Variants in PIP4P1 observed in about 807,000 individuals in gnomAD.
PIP4P1 encodes the protein phosphatidylinositol-4,5-bisphosphate 4-phosphatase 1.
In PIP4P1, 14 loss-of-function variants were observed where a neutral mutation model predicts 32.3. That is an observed-to-expected ratio of 0.43 (90% CI 0.29 to 0.68). PIP4P1 has a LOEUF of 0.68. Ranked by LOEUF, PIP4P1 falls within the 30% of genes least tolerant of loss-of-function variation. The pLI is 0.15. For missense variants in PIP4P1, 289 were observed against 364.5 expected (o/e 0.79, Z 1.69); for synonymous variants, 132 against 137.9 (o/e 0.96, Z 0.30).
At chr14:20,459,920 T>C (rs756335749) in intron 3 of PIP4P1, 187 bp from the exon 4 acceptor site, 56 of 623,196 alleles carry the variant, frequency 9.0e-5, no homozygotes, top group Non-Finnish European at 1.3e-4. Context: ...GAAAGAGCAC[T>C]GTTTAAACTT....
chr14:20,459,508 G>C (rs878929053), intron 4 of PIP4P1, 68 bp from the exon 5 acceptor site: 16 of 1,598,264 alleles, frequency 1.0e-5, no homozygotes, highest in Non-Finnish European at 1.4e-5. Flanking sequence ...TTGGGGTGGG[G>C]ATGCAGAACA....
Position 20,458,096 on chromosome 14 carries a change from T to C in PIP4P1, c.*463A>G, listed in dbSNP as rs1440193404. The C allele has an allele frequency of 8.4e-6, 3 of 359,252 alleles. No homozygotes were observed. Among genetic ancestry groups the C allele is most frequent in the Admixed American group, 3.8e-5 (1 of 26,434 alleles). 22.3% of individuals were successfully genotyped at this position (359,252 alleles called of 1,614,324 possible). ...CTGACCCCACCCCCACAGGACACAA[T>C]GTGGGGAGAGGAGACTGAGGGTACT... On this transcript the variant is annotated 3_prime_UTR_variant, in exon 7 of 7. Coordinates refer to ENST00000250489, the MANE Select transcript of PIP4P1 (RefSeq NM_144568.4).
intron 2 of PIP4P1, 69 bp downstream of exon 2, chr14:20,460,586 G>A: frequency 6.5e-7 from 1 of 1,548,274 alleles, no homozygotes; most frequent in Non-Finnish European, 8.8e-7. Context: ...GAAGGTCAGG[G>A]TCTAGAACCA....
At position 20,460,696 on chromosome 14, in the gene PIP4P1, G is replaced by C; in HGVS notation, c.292C>G (p.His98Asp). The C allele has an allele frequency of 6.2e-7, 1 of 1,614,060 alleles. No homozygotes were observed. ...QSLINVEGKMHQHVVKCGVCN... is the reference protein window; with the variant it reads ...QSLINVEGKMDQHVVKCGVCN... ...ACACCACATTTGACTACATGCTGAT[G>C]CATCTTGCCTTCCACGTTGATGAGA... The change falls in exon 2 of 7, where the codon CAT becomes GAT. Residue 98 changes from histidine (H) to aspartate (D), a missense_variant. By Grantham distance (81) the His-to-Asp change is moderately conservative. This residue lies in a region of PIP4P1 where 181 missense variants were observed against 263.3 expected (regional missense o/e 0.69). Coordinates refer to ENST00000250489, the MANE Select transcript of PIP4P1 (RefSeq NM_144568.4).
chr14:20,459,163 G>C (rs1199299027), intron 6 of PIP4P1, 43 bp downstream of exon 6: 2 of 1,585,416 alleles, frequency 1.3e-6, no homozygotes, highest in African/African-American at 2.7e-5. Flanking sequence ...AGCCTATGGA[G>C]ATGAGGCTGC....
rs1423193635 is a variant in PIP4P1 at position 20,460,822 on chromosome 14, G to A, written c.166C>T (p.His56Tyr). 6.4e-7 allele frequency: 1 copy of A among 1,563,360 alleles called. No individual in the cohort carries two copies. Among genetic ancestry groups the A allele is most frequent in the Admixed American group, 1.9e-5 (1 of 51,312 alleles). The change falls in exon 2 of 7, where the codon CAT becomes TAT. Residue 56 changes from histidine to tyrosine, a missense_variant. Transcript: ENST00000250489. ...TCCTCCCCAGGCAACACGGCTGGAT[G>A]CCCCTCGGGAAACGGGGGAAATGCT... ...GAAFPPFPEG[H>Y]PAVLPGEDPP...
rs745528617 is a variant in PIP4P1 at position 20,460,854 on chromosome 14, G to A, written c.143-9C>T. On this transcript the variant is annotated splice_polypyrimidine_tract_variant and intron_variant, in intron 1 of 6. Transcript: ENST00000250489. Reference sequence around the variant, plus strand: ...GGGAAACGGGGGAAATGCTGGAGAGGAAGCAAATAGAAGGGCTGGGATCAC... The same window carrying A: ...GGGAAACGGGGGAAATGCTGGAGAGAAAGCAAATAGAAGGGCTGGGATCAC... 8 of 1,538,470 alleles carry A rather than the reference G, an allele frequency of 5.2e-6. No individual in the cohort carries two copies. Among genetic ancestry groups the A allele is most frequent in the Admixed American group, 2.1e-5 (1 of 48,026 alleles).
chr14:20,460,689 T>G lies in PIP4P1; in HGVS notation c.299A>C (p.His100Pro). The G allele has an allele frequency of 6.2e-7, 1 of 1,614,050 alleles. No homozygotes were observed. Among genetic ancestry groups the G allele is most frequent in the Non-Finnish European group, 8.5e-7 (1 of 1,180,010 alleles). Residue 100 changes from histidine (H) to proline (P), a missense_variant, in exon 2 of 7, where the codon CAT (histidine) becomes CCT (proline). His to Pro is a moderately conservative substitution (Grantham distance 77). This residue lies in a region of PIP4P1 where 181 missense variants were observed against 263.3 expected (regional missense o/e 0.69). Transcript: ENST00000250489. ...ATTGCAGACACCACATTTGACTACA[T>G]GCTGATGCATCTTGCCTTCCACGTT... is the stretch of plus-strand genomic sequence containing the variant. ...LINVEGKMHQ[H>P]VVKCGVCNEA...
intron 2 of PIP4P1, 138 bp downstream of exon 2, chr14:20,460,517 T>C (rs1387489041): frequency 1.1e-5 from 10 of 909,324 alleles, no homozygotes; most frequent in Admixed American, 1.1e-4. Flanking sequence ...GGGAAATGGC[T>C]GTGTGAGACA....
At chr14:20,459,951 G>C (rs554578642) in intron 3 of PIP4P1, 1 of 612,256 alleles carries the variant, frequency 1.6e-6, no homozygotes. Flanking sequence ...ATTCCCCTCC[G>C]ACCTCAGGAT....
chr14:20,458,572 T>C lies in PIP4P1; in HGVS notation c.821A>G (p.Gln274Arg). ...GGGTCATCAGGCTCAGGAGAAGTTC[T>C]GGACAGGGTGGCTGACCTTCATACA... ...WACMKVSHPV[Q>R]NFS The change falls in exon 7 of 7, where the codon CAG (glutamine) becomes CGG (arginine). Residue 274 changes from glutamine to arginine, a missense_variant. Physicochemically the swap from Gln to Arg is conservative, Grantham distance 43 (BLOSUM62 1). This residue lies in a region of PIP4P1 where 181 missense variants were observed against 263.3 expected (regional missense o/e 0.69). Coordinates refer to ENST00000250489, the MANE Select transcript of PIP4P1 (RefSeq NM_144568.4). 6.2e-7 allele frequency: 1 copy of C among 1,613,914 alleles called. No individual in the cohort carries two copies.
In PIP4P1 at chr14:20,458,642, T is replaced by A; in HGVS notation, c.751A>T (p.Ile251Phe). 1.9e-6 allele frequency: 3 copies of A among 1,614,178 alleles called. No homozygotes were observed. Among genetic ancestry groups the A allele is most frequent in the Non-Finnish European group, 2.5e-6 (3 of 1,180,032 alleles). Residue 251 changes from isoleucine to phenylalanine, a missense_variant, in exon 7 of 7, where the codon ATC becomes TTC. Transcript: ENST00000250489. ...CCCAAACACAGCACAGCCAACAGGA[T>A]GACAAATGCCCAGGCTGCATAGATG... ...GGIYAAWAFV[I>F]LLAVLCLGRA...
At position 20,458,046 on chromosome 14, in the gene PIP4P1, CCTGTGGTT is replaced by C. The variant is rs2139311877; in HGVS notation, c.*505_*512del. 1 of 334,650 alleles carries C rather than the reference CCTGTGGTT, an allele frequency of 3.0e-6. No individual in the cohort carries two copies. The highest frequency in any genetic ancestry group is 5.9e-6 in the Non-Finnish European group (1 of 170,490). 20.7% of individuals were successfully genotyped at this position (334,650 alleles called of 1,614,324 possible). ...TTAAATAGTTATATACACATCAGTT[CCTGTGGTT>C]CTGTACAGAGCAGCGGCTGACCCCA... On this transcript the variant is annotated 3_prime_UTR_variant, in exon 7 of 7. Transcript: ENST00000250489.
chr14:20,459,557 T>C (rs566063271), intron 4 of PIP4P1, 71 bp downstream of exon 4: 136 of 1,571,878 alleles, frequency 8.7e-5, no homozygotes, highest in Non-Finnish European at 1.1e-4. Context: ...TCATTACCAT[T>C]ACTCTAAGAA....
At position 20,459,985 on chromosome 14, in the gene PIP4P1, T is replaced by G. The variant is rs1053763449; in HGVS notation, c.440+207A>C. 5 of 623,342 alleles carry G rather than the reference T, an allele frequency of 8.0e-6. No individual in the cohort carries two copies. The African/African-American group carries it at 9.2e-5, about 11-fold the overall frequency. 38.6% of individuals were successfully genotyped at this position (623,342 alleles called of 1,614,324 possible). On this transcript the variant is annotated intron_variant, in intron 3 of 6. Transcript: ENST00000250489. ...ATAACACACCCAGTCCCCAAGGCTC[T>G]CTATTCTCCGAAACGACATCATTTC...
intron 1 of PIP4P1, 45 bp downstream of exon 1, chr14:20,461,137 AGC>A: frequency 9.5e-6 from 12 of 1,264,312 alleles, no homozygotes; most frequent in Non-Finnish European, 1.2e-5. Context: ...TACCCCGGGG[AGC>A]ACCTCGGACC....
intron 5 of PIP4P1, 37 bp from the exon 6 acceptor site, chr14:20,459,333 G>A: frequency 6.2e-7 from 1 of 1,613,524 alleles, no homozygotes. Flanking sequence ...GCTTTCTATG[G>A]CCTTGTAGTT....
At position 20,461,243 on chromosome 14, in the gene PIP4P1, C is replaced by A; in HGVS notation, c.83G>T (p.Gly28Val). 7.9e-7 allele frequency: 1 copy of A among 1,267,448 alleles called. No individual in the cohort carries two copies. The allele number at this position is 1,267,448 out of a possible 1,614,324, so 78.5% of individuals were successfully genotyped here. ...TCCCCCGGGCCCAGCCCCACTCCCG[C>A]CGGGCCCCACTAAACCGTTGCCGCC... ...GAGGNGLVGP[G>V]GSGAGPGGGL... The change falls in exon 1 of 7, where the codon GGC becomes GTC. Residue 28 changes from glycine (G) to valine (V), a missense_variant. By Grantham distance (109) the Gly-to-Val change is moderately radical. Coordinates refer to ENST00000250489, the MANE Select transcript of PIP4P1 (RefSeq NM_144568.4).
intron 6 of PIP4P1, 76 bp from the exon 7 acceptor site, chr14:20,458,778 G>T: frequency 1.3e-6 from 2 of 1,531,056 alleles, no homozygotes; most frequent in Non-Finnish European, 1.8e-6. Flanking sequence ...TTAGTTCTAA[G>T]AACAGTAATA....
Sources: gnomAD v4.1 joint callset for allele counts on GRCh38, gnomAD v4.1.1 for gene constraint, gnomAD v4.1.1 regional missense constraint, MANE v1.5 for transcripts, NCBI Gene and HGNC (gene_info 2026-07-23, HGNC 2026-07-21) for gene names.